The following LHFPL6 variants were observed in gnomAD, a reference collection of about 807,000 sequenced individuals.
LHFPL6 encodes LHFPL tetraspan subfamily member 6 protein.
In LHFPL6, 9 loss-of-function variants were observed where a neutral mutation model predicts 20.6. The ratio of observed to expected loss-of-function variants is 0.44; its 90% CI spans 0.26 to 0.76. LHFPL6 has a LOEUF of 0.76. Among genes scored for constraint, LHFPL6 ranks in the 30% least tolerant of loss-of-function variants. The probability of loss-of-function intolerance (pLI) is 0.20; values close to 1 mark genes in which losing one functional copy is unlikely to be tolerated. For missense variants in LHFPL6, 218 were observed against 253.5 expected (o/e 0.86, Z 0.95); for synonymous variants, 105 against 98.7 (o/e 1.06, Z -0.38).
chr13:39,474,241 G>A (rs1405154241), intron 2 of LHFPL6, among the ~76,000 whole-genome samples: 1 of 152,140 alleles, frequency 6.6e-6, no homozygotes, highest in African/African-American at 2.4e-5. Context: ...GGAAAGAAAA[G>A]GAACAAATTG....
At chr13:39,421,988 A>G (rs901915449) in intron 2 of LHFPL6, among the ~76,000 whole-genome samples, 2 of 152,138 alleles carry the variant, frequency 1.3e-5, no homozygotes, top group African/African-American at 2.4e-5. Context: ...AATCATAAAC[A>G]ATTGGTTTGG....
intron 2 of LHFPL6, among the ~76,000 whole-genome samples, chr13:39,449,393 G>C (rs1278485184): frequency 2.0e-5 from 3 of 152,184 alleles, no homozygotes; most frequent in African/African-American, 4.8e-5. Context: ...CTGGTCAAGG[G>C]TGTGAATGGA....
At chr13:39,599,556 T>A (rs1872867887) in intron 2 of LHFPL6, among the ~76,000 whole-genome samples, 1 of 152,166 alleles carries the variant, frequency 6.6e-6, no homozygotes, top group South Asian at 2.1e-4. Context: ...CGGGAGGGAC[T>A]AAGGTGCAAA....
intron 2 of LHFPL6, among the ~76,000 whole-genome samples, chr13:39,448,076 C>T (rs1277547054): frequency 6.6e-6 from 1 of 152,186 alleles, no homozygotes; most frequent in Non-Finnish European, 1.5e-5. Flanking sequence ...GGAGTCTCCT[C>T]CCAGTTCTCA....
At chr13:39,589,886 T>A (rs1441879850) in intron 2 of LHFPL6, among the ~76,000 whole-genome samples, 1 of 152,232 alleles carries the variant, frequency 6.6e-6, no homozygotes, top group African/African-American at 2.4e-5. Context: ...AATATTAACA[T>A]GTAATACAAT....
At chr13:39,464,972 A>T (rs1872768075) in intron 2 of LHFPL6, among the ~76,000 whole-genome samples, 1 of 152,166 alleles carries the variant, frequency 6.6e-6, no homozygotes, top group African/African-American at 2.4e-5. Context: ...TAATAGGGGC[A>T]CTTATTAGCC....
intron 3 of LHFPL6, among the ~76,000 whole-genome samples, chr13:39,351,229 T>C (rs1017000739): frequency 6.6e-6 from 1 of 152,220 alleles, no homozygotes; most frequent in African/African-American, 2.4e-5. Flanking sequence ...ACAGCTGTCA[T>C]ATATAGACAG....
chr13:39,349,761 C>A (rs764706305), intron 3 of LHFPL6, among the ~76,000 whole-genome samples: 1 of 152,140 alleles, frequency 6.6e-6, no homozygotes, highest in Non-Finnish European at 1.5e-5. Context: ...TAAGCCAAGA[C>A]CTGCAGATGT....
chr13:39,377,593 T>G (rs974024528), intron 3 of LHFPL6, among the ~76,000 whole-genome samples: 8 of 152,322 alleles, frequency 5.3e-5, no homozygotes, highest in African/African-American at 1.9e-4. Flanking sequence ...TAAGTAAATG[T>G]AGGTTTATCA....
intron 2 of LHFPL6, among the ~76,000 whole-genome samples, chr13:39,483,549 A>T (rs908376599): frequency 1.3e-5 from 2 of 151,464 alleles, no homozygotes; most frequent in Admixed American, 1.3e-4. Flanking sequence ...GCCTCAGGCA[A>T]AGGGCATTCT....
intron 3 of LHFPL6, among the ~76,000 whole-genome samples, chr13:39,357,780 A>T (rs560783579): frequency 6.6e-6 from 1 of 152,346 alleles, no homozygotes; most frequent in African/African-American, 2.4e-5. Flanking sequence ...CTAGGAATAC[A>T]TGTAACCAAG....
rs34898470 is a variant in LHFPL6, at chr13:39,583,169, CTTTTTTTTT to C, written c.385+17654_385+17662del. ...AAGAAAATGTACAGGATGCCAAATT[CTTTTTTTTT>C]TTTTTTTTTTTTTAAGACAGGGTCC... On this transcript the variant is annotated intron_variant, in intron 2 of 3. Coordinates refer to ENST00000379589, the MANE Select transcript of LHFPL6 (RefSeq NM_005780.3). 7.9e-5 allele frequency among the ~76,000 whole-genome samples: 9 copies of C among 114,136 alleles called. No individual in the cohort carries two copies. In the Admixed American group the frequency reaches 9.2e-4, roughly 12 times the overall value. 74.9% of individuals were successfully genotyped at this position (114,136 alleles called of 152,430 possible).
chr13:39,563,101 CA>C (rs1302876417), intron 2 of LHFPL6, among the ~76,000 whole-genome samples: 1 of 57,666 alleles, frequency 1.7e-5, no homozygotes, highest in Non-Finnish European at 3.2e-5. Flanking sequence ...AACACACACA[CA>C]CACACACACA....
At chr13:39,406,368 T>G (rs947818877) in intron 2 of LHFPL6, among the ~76,000 whole-genome samples, 1 of 152,210 alleles carries the variant, frequency 6.6e-6, no homozygotes, top group Non-Finnish European at 1.5e-5. Flanking sequence ...CTTTTGAAAT[T>G]TAGGAAATAT....
intron 2 of LHFPL6, among the ~76,000 whole-genome samples, chr13:39,490,305 C>A (rs564670036): frequency 6.6e-6 from 1 of 152,296 alleles, no homozygotes; most frequent in South Asian, 2.1e-4. Flanking sequence ...AGCCACAATA[C>A]AAGCGCAAAC....
chr13:39,576,254 TA>T lies in LHFPL6; in HGVS notation c.385+24577del, dbSNP rs772327789. On this transcript the variant is annotated intron_variant, in intron 2 of 3. Transcript: ENST00000379589. ...AAATGATTTACTAGTACAGCACAGT[TA>T]AAGTCAGTAAAAATACTGGGGCCAT... 3.2e-4 allele frequency among the ~76,000 whole-genome samples: 48 copies of T among 152,186 alleles called. 1 individual carries two copies. Among genetic ancestry groups the T allele is most frequent in the Non-Finnish European group, 8.8e-5 (6 of 68,030 alleles).
intron 2 of LHFPL6, among the ~76,000 whole-genome samples, chr13:39,463,649 T>G (rs1216622888): frequency 6.6e-6 from 1 of 151,934 alleles, no homozygotes; most frequent in East Asian, 1.9e-4. Context: ...ATGAGAAAAG[T>G]CTGAATATTT....
At chr13:39,524,719 G>C (rs1870232740) in intron 2 of LHFPL6, among the ~76,000 whole-genome samples, 1 of 152,158 alleles carries the variant, frequency 6.6e-6, no homozygotes, top group African/African-American at 2.4e-5. Context: ...AGTGGACTTA[G>C]GGGAACATGA....
At chr13:39,406,386 T>C (rs1238438927) in intron 2 of LHFPL6, among the ~76,000 whole-genome samples, 3 of 152,214 alleles carry the variant, frequency 2.0e-5, no homozygotes, top group African/African-American at 7.2e-5. Context: ...TATTAACAAT[T>C]GCTTTTAGGG....
Sources: allele counts gnomAD v4.1 joint callset (sites outside exome capture counted in the v4.1 genomes callset), GRCh38; gene constraint gnomAD v4.1.1; transcripts MANE v1.5; gene names NCBI Gene and HGNC (gene_info 2026-07-23, HGNC 2026-07-21).